The following IRS2 variants were observed in gnomAD, a reference collection of about 807,000 sequenced individuals.
The protein encoded by IRS2 is insulin receptor substrate 2.
IRS2 carries 28 observed loss-of-function variants against 70.9 expected under a neutral mutation model. The observed-to-expected ratio is 0.39, with a 90% CI of 0.29 to 0.54. The LOEUF (loss-of-function observed/expected upper bound fraction) is 0.54. Ranked by LOEUF, IRS2 falls within the 20% of genes least tolerant of loss-of-function variation. IRS2 has a pLI of 0.59. For missense variants in IRS2, 2,081 were observed against 2,024.1 expected, an observed-to-expected ratio of 1.03 and a Z score of -0.54; for synonymous variants, 1,217 against 981.9, an observed-to-expected ratio of 1.24 and a Z score of -4.48.
chr13:109,771,337 C>T (rs1877447710), intron 1 of IRS2, among the ~76,000 whole-genome samples: 1 of 151,986 alleles, frequency 6.6e-6, no homozygotes, highest in Non-Finnish European at 1.5e-5. Context: ...TTTGCTTTCT[C>T]AGCCAGCTAA....
intron 1 of IRS2, among the ~76,000 whole-genome samples, chr13:109,763,289 C>T (rs866046388): frequency 2.0e-5 from 3 of 152,198 alleles, no homozygotes; most frequent in African/African-American, 4.8e-5. Context: ...TGCAAGCTTA[C>T]GTACTTTAGA....
chr13:109,765,284 C>A (rs980883207), intron 1 of IRS2, among the ~76,000 whole-genome samples: 2 of 152,208 alleles, frequency 1.3e-5, no homozygotes, highest in African/African-American at 4.8e-5. Context: ...CGCCAAGCTA[C>A]CAACTATATA....
intron 1 of IRS2, among the ~76,000 whole-genome samples, chr13:109,771,062 G>A (rs200596490): frequency 6.6e-5 from 10 of 152,200 alleles, no homozygotes; most frequent in South Asian, 2.1e-4. Flanking sequence ...ACAGTAAGAC[G>A]GCAAACTGAA....
intron 1 of IRS2, among the ~76,000 whole-genome samples, chr13:109,779,987 T>A (rs1196427056): frequency 6.6e-6 from 1 of 152,190 alleles, no homozygotes; most frequent in African/African-American, 2.4e-5. Context: ...TGGACCCCAA[T>A]TCTGAATGTA....
At chr13:109,771,248 T>C (rs1170984709) in intron 1 of IRS2, among the ~76,000 whole-genome samples, 2 of 152,172 alleles carry the variant, frequency 1.3e-5, no homozygotes, top group Admixed American at 1.3e-4. Flanking sequence ...CATGGATGTT[T>C]ATATCTAAAA....
chr13:109,774,043 T>G (rs1436703622), intron 1 of IRS2, among the ~76,000 whole-genome samples: 43 of 152,250 alleles, frequency 2.8e-4, no homozygotes, highest in Admixed American at 2.8e-3. Flanking sequence ...CTAAGTTACA[T>G]TCTATCAACG....
intron 1 of IRS2, among the ~76,000 whole-genome samples, chr13:109,768,667 G>A (rs1242446336): frequency 1.8e-4 from 28 of 152,246 alleles, no homozygotes; most frequent in East Asian, 1.9e-4. Context: ...GGCAGAGTTC[G>A]AAATAAGCGG....
At chr13:109,758,149 A>C (rs1296368052) in intron 1 of IRS2, among the ~76,000 whole-genome samples, 1 of 152,210 alleles carries the variant, frequency 6.6e-6, no homozygotes, top group East Asian at 1.9e-4. Flanking sequence ...TTCAGTGAGA[A>C]TCTAATTGTT....
chr13:109,755,816 G>A lies in IRS2; in HGVS notation c.*488C>T, dbSNP rs1037350896. The A allele has an allele frequency of 1.8e-5, 4 of 225,094 alleles. No homozygotes were observed. The highest frequency in any genetic ancestry group is 6.8e-5 in the African/African-American group (3 of 44,206). 13.9% of individuals were successfully genotyped at this position (225,094 alleles called of 1,614,324 possible). A position where few individuals can be genotyped will look rare whatever the true frequency, so the allele number is the denominator to read the frequency against. ...CTACAGGAGGTCCTGTGGGACCCCC[G>A]CCACGGAAATCCGGCTTTACCTTGA... On this transcript the variant is annotated 3_prime_UTR_variant, in exon 2 of 2. Transcript: ENST00000375856.
Position 109,782,915 on chromosome 13 carries a change from C to A in IRS2, c.3139G>T (p.Ala1047Ser). The change falls in exon 1 of 2, where the codon GCC (alanine) becomes TCC (serine). Residue 1047 changes from alanine (A) to serine (S), a missense_variant. By Grantham distance (99) the Ala-to-Ser change is moderately conservative. Around this residue, in one of 4 missense-constraint regions of IRS2, gnomAD observed 1,615 missense variants for 1,459.5 expected, o/e 1.11. Coordinates refer to ENST00000375856, the MANE Select transcript of IRS2 (RefSeq NM_003749.3). ...CCCTGGGCGGTGGCAACGGCCGAGGCGGGGGGCAGGCGGTACAGCTCCCCC... is the reference window on the plus strand; with the variant it reads ...CCCTGGGCGGTGGCAACGGCCGAGGAGGGGGGCAGGCGGTACAGCTCCCCC... Reference protein sequence around the residue: ...APGELYRLPPASAVATAQGPG... With the variant: ...APGELYRLPPSSAVATAQGPG... 1 of 1,543,934 alleles carries A rather than the reference C, an allele frequency of 6.5e-7. No homozygotes were observed. The highest frequency in any genetic ancestry group is 8.7e-7 in the Non-Finnish European group (1 of 1,143,946).
chr13:109,765,238 C>T (rs1392262722), intron 1 of IRS2, among the ~76,000 whole-genome samples: 1 of 152,216 alleles, frequency 6.6e-6, no homozygotes, highest in African/African-American at 2.4e-5. Context: ...AACTAAAGCA[C>T]TATTTATTGA....
chr13:109,756,550 G>A (rs759719726), intron 1 of IRS2, among the ~76,000 whole-genome samples: 2 of 152,152 alleles, frequency 1.3e-5, no homozygotes, highest in Non-Finnish European at 1.5e-5. Context: ...AGTTAGGTTC[G>A]TATTTTCAAT....
chr13:109,782,853 C>T lies in IRS2; in HGVS notation c.3201G>A (p.Gly1067=). ...CCATCTCGGTGTAGTCACCATTGTC[C>T]CCGGTGTCCGAGGACAACGATGAGG... ...GAASSLSSDT[G]DNGDYTEMAF... Residue 1067 remains glycine, a synonymous_variant, in exon 1 of 2, where the codon GGG becomes GGA. Transcript: ENST00000375856. 1.9e-6 allele frequency: 3 copies of T among 1,581,578 alleles called. No homozygotes were observed. Among genetic ancestry groups the T allele is most frequent in the East Asian group, 2.3e-5 (1 of 43,558 alleles).
rs79576258 is a variant in IRS2 at position 109,758,298 on chromosome 13, C to T, written c.4013-1990G>A. 1.0e-3 allele frequency among the ~76,000 whole-genome samples: 155 copies of T among 152,288 alleles called. 2 individuals are homozygous for T. The East Asian group carries it at 0.023, about 23-fold the overall frequency. Reference sequence around the variant, plus strand: ...GGCCACCACAAGCAGGTAACTGAGACTCTGCAAATCCATTGACAGAAGAAT... The same window carrying T: ...GGCCACCACAAGCAGGTAACTGAGATTCTGCAAATCCATTGACAGAAGAAT... On this transcript the variant is annotated intron_variant, in intron 1 of 1. Transcript: ENST00000375856.
chr13:109,778,536 C>T (rs756293873), intron 1 of IRS2, among the ~76,000 whole-genome samples: 3 of 152,278 alleles, frequency 2.0e-5, no homozygotes, highest in Non-Finnish European at 4.4e-5. Context: ...TAGCACCCGC[C>T]ACAGCAAACA....
At chr13:109,771,075 A>G (rs1370542137) in intron 1 of IRS2, among the ~76,000 whole-genome samples, 2 of 152,208 alleles carry the variant, frequency 1.3e-5, no homozygotes, top group Non-Finnish European at 2.9e-5. Flanking sequence ...AAACTGAACC[A>G]AGGTGTGTCC....
chr13:109,757,148 A>G (rs1438325909), intron 1 of IRS2, among the ~76,000 whole-genome samples: 1 of 152,054 alleles, frequency 6.6e-6, no homozygotes, highest in Non-Finnish European at 1.5e-5. Context: ...TTTTTACTTG[A>G]TATATTCCTT....
intron 1 of IRS2, among the ~76,000 whole-genome samples, chr13:109,775,283 T>A (rs1381031075): frequency 1.3e-5 from 2 of 151,944 alleles, no homozygotes; most frequent in Admixed American, 6.6e-5. Context: ...CATGGCTGGC[T>A]AATTTTTGTA....
chr13:109,765,998 G>A (rs71439386), intron 1 of IRS2, among the ~76,000 whole-genome samples: 5 of 39,800 alleles, frequency 1.3e-4, no homozygotes, highest in Admixed American at 3.6e-4. Context: ...TCCCCACCAA[G>A]CATGTAGATA....
Sources: gnomAD v4.1 joint callset for allele counts (sites outside exome capture counted in the v4.1 genomes callset) on GRCh38, gnomAD v4.1.1 for gene constraint, gnomAD v4.1.1 regional missense constraint, MANE v1.5 for transcripts, NCBI Gene and HGNC (gene_info 2026-07-23, HGNC 2026-07-21) for gene names.